Variants in DRD2 observed in about 807,000 individuals in gnomAD.
The protein encoded by DRD2 is D(2) dopamine receptor.
In DRD2, 8 loss-of-function variants were observed where a neutral mutation model predicts 38.0. The ratio of observed to expected loss-of-function variants is 0.21; its 90% CI spans 0.12 to 0.38. The LOEUF is 0.38. DRD2 is among the 10% of genes least tolerant of loss of function. The pLI is 1.00. For synonymous variants in DRD2, 230 were observed against 238.6 expected, an observed-to-expected ratio of 0.96 and a Z score of 0.33; for missense variants, 403 against 607.7, an observed-to-expected ratio of 0.66 and a Z score of 3.54.
intron 1 of DRD2, among the ~76,000 whole-genome samples, chr11:113,427,258 T>G (rs1422216102): frequency 6.6e-6 from 1 of 152,152 alleles, no homozygotes; most frequent in African/African-American, 2.4e-5. Context: ...TGGAAAACTC[T>G]TCTGTTCACT....
chr11:113,427,879 G>A (rs1432748425), intron 1 of DRD2, among the ~76,000 whole-genome samples: 2 of 152,140 alleles, frequency 1.3e-5, no homozygotes, highest in Non-Finnish European at 1.5e-5. Flanking sequence ...AAAATGAGAC[G>A]CTTAGGGTGG....
intron 1 of DRD2, among the ~76,000 whole-genome samples, chr11:113,452,469 T>TGTGTGTGCGC (rs1210531875): frequency 2.4e-4 from 29 of 118,836 alleles, no homozygotes; most frequent in South Asian, 2.1e-3. Flanking sequence ...TGTGTGTGTG[T>TGTGTGTGCGC]GCGCGCGCGC....
chr11:113,462,730 G>A (rs114195807), intron 1 of DRD2, among the ~76,000 whole-genome samples: 444 of 152,316 alleles, frequency 2.9e-3, no homozygotes, highest in African/African-American at 0.01. Context: ...GGGTCTCAGG[G>A]AGCCCACACA....
intron 1 of DRD2, among the ~76,000 whole-genome samples, chr11:113,468,838 G>T (rs1258975810): frequency 6.6e-6 from 1 of 152,140 alleles, no homozygotes; most frequent in Admixed American, 6.6e-5. Context: ...GTGAGCCACC[G>T]CGTCTGGCTA....
rs750471052 is a variant in DRD2 at position 113,412,747 on chromosome 11, TGGA to T, written c.944_946del (p.Leu315del). ...TTTGGCGGGGCTGTCGGGAGTGCTGTGGAGACCATGGTGGGACGGGTCGGGGAG... is the reference window on the plus strand; with the variant it reads ...TTTGGCGGGGCTGTCGGGAGTGCTGTGACCATGGTGGGACGGGTCGGGGAG... On this transcript the variant is annotated inframe_deletion, in exon 7 of 8. Coordinates refer to ENST00000362072, the MANE Select transcript of DRD2 (RefSeq NM_000795.4). 8 of 1,613,978 alleles carry T rather than the reference TGGA, an allele frequency of 5.0e-6. No homozygotes were observed. Among genetic ancestry groups the T allele is most frequent in the Non-Finnish European group, 6.8e-6 (8 of 1,179,902 alleles).
intron 1 of DRD2, among the ~76,000 whole-genome samples, chr11:113,444,453 T>C (rs1240726647): frequency 1.3e-5 from 2 of 152,264 alleles, no homozygotes; most frequent in Non-Finnish European, 2.9e-5. Flanking sequence ...ATGAATTCCC[T>C]GTTTAAAGAA....
chr11:113,416,833 G>A (rs1260880284), intron 4 of DRD2, 30 bp downstream of exon 4: 3 of 1,610,892 alleles, frequency 1.9e-6, no homozygotes, highest in Non-Finnish European at 2.5e-6. Context: ...AGGGCCAGCT[G>A]AGCCTCAGGC....
chr11:113,441,032 A>G (rs543757265), intron 1 of DRD2, among the ~76,000 whole-genome samples: 1 of 152,330 alleles, frequency 6.6e-6, no homozygotes, highest in East Asian at 1.9e-4. Context: ...TCCCTGAGGC[A>G]CAGGTTGACA....
At chr11:113,442,350 A>AT (rs1951103067) in intron 1 of DRD2, among the ~76,000 whole-genome samples, 1 of 152,214 alleles carries the variant, frequency 6.6e-6, no homozygotes, top group Non-Finnish European at 1.5e-5. Flanking sequence ...GTGTTTTATA[A>AT]TAGTTAGCAG....
chr11:113,455,403 T>C (rs1426394511), intron 1 of DRD2, among the ~76,000 whole-genome samples: 1 of 152,130 alleles, frequency 6.6e-6, no homozygotes, highest in African/African-American at 2.4e-5. Flanking sequence ...ATTTGGCAAT[T>C]ATTTTTTGCA....
chr11:113,472,302 G>A (rs1029513945), intron 1 of DRD2, among the ~76,000 whole-genome samples: 1 of 152,122 alleles, frequency 6.6e-6, no homozygotes, highest in African/African-American at 2.4e-5. Context: ...GAGTCCCCAC[G>A]TCTTTCCCCT....
chr11:113,441,156 C>T (rs1398897826), intron 1 of DRD2, among the ~76,000 whole-genome samples: 1 of 152,166 alleles, frequency 6.6e-6, no homozygotes, highest in Admixed American at 6.5e-5. Context: ...CATCTGAGAA[C>T]CAGATGTTTG....
At chr11:113,461,421 A>G (rs1951317742) in intron 1 of DRD2, among the ~76,000 whole-genome samples, 1 of 152,090 alleles carries the variant, frequency 6.6e-6, no homozygotes, top group African/African-American at 2.4e-5. Context: ...AGCCCTCCTT[A>G]CCCCTGCCTC....
chr11:113,452,486 GCA>G (rs1465886123), intron 1 of DRD2, among the ~76,000 whole-genome samples: 2 of 144,198 alleles, frequency 1.4e-5, no homozygotes, highest in African/African-American at 5.1e-5. Flanking sequence ...GCGCGCGCGC[GCA>G]CATTGGGGGA....
chr11:113,446,194 A>G (rs770027261), intron 1 of DRD2, among the ~76,000 whole-genome samples: 2 of 152,020 alleles, frequency 1.3e-5, no homozygotes, highest in Admixed American at 1.3e-4. Context: ...AGAAGCCCTG[A>G]TGACAGATCT....
intron 1 of DRD2, among the ~76,000 whole-genome samples, chr11:113,444,378 G>T (rs1056515407): frequency 6.6e-6 from 1 of 152,146 alleles, no homozygotes; most frequent in Non-Finnish European, 1.5e-5. Context: ...TGAACAGAAC[G>T]TTTGGTAAAT....
intron 1 of DRD2, among the ~76,000 whole-genome samples, chr11:113,445,161 T>C (rs1951133249): frequency 1.3e-5 from 2 of 152,206 alleles, no homozygotes; most frequent in Admixed American, 6.5e-5. Context: ...TGAGGAGCTG[T>C]CACAGATTAC....
chr11:113,427,354 C>G (rs1246014006), intron 1 of DRD2, among the ~76,000 whole-genome samples: 1 of 152,074 alleles, frequency 6.6e-6, no homozygotes, highest in Non-Finnish European at 1.5e-5. Flanking sequence ...CCACCCATAT[C>G]CTCCTGCCTG....
At chr11:113,421,239 C>T (rs1950881287) in intron 2 of DRD2, among the ~76,000 whole-genome samples, 1 of 152,126 alleles carries the variant, frequency 6.6e-6, no homozygotes, top group East Asian at 1.9e-4. Context: ...TCATGCTGGG[C>T]CTTATGCCCC....
Sources: gnomAD v4.1 joint callset for allele counts (sites outside exome capture counted in the v4.1 genomes callset) on GRCh38, gnomAD v4.1.1 for gene constraint, MANE v1.5 for transcripts, NCBI Gene and HGNC (gene_info 2026-07-23, HGNC 2026-07-21) for gene names.